ROBO1: variants seen among roughly 807,000 people sequenced by gnomAD.
ROBO1 encodes the protein roundabout guidance receptor 1, also known as roundabout homolog 1.
A neutral mutation model predicts 195.9 loss-of-function variants in ROBO1; 149 were observed. The observed-to-expected ratio is 0.76, with a 90% confidence interval of 0.67 to 0.87. ROBO1 has a LOEUF of 0.87. Among genes scored for constraint, ROBO1 ranks in the 40% least tolerant of loss-of-function variants. The pLI, the probability that ROBO1 is intolerant of heterozygous loss-of-function variation, is 0.00. For missense variants in ROBO1, 1,933 were observed against 2,068.3 expected, an observed-to-expected ratio of 0.93 and a Z score of 1.27; for synonymous variants, 816 against 733.2, an observed-to-expected ratio of 1.11 and a Z score of -1.82.
At chr3:78,996,903 C>A (rs1193640415) in intron 3 of ROBO1, among the ~76,000 whole-genome samples, 1 of 152,120 alleles carries the variant, frequency 6.6e-6, no homozygotes, top group African/African-American at 2.4e-5. Flanking sequence ...TAGATATTAA[C>A]CTACCTCAAT....
intron 2 of ROBO1, among the ~76,000 whole-genome samples, chr3:79,375,246 T>C (rs1204188325): frequency 1.3e-5 from 2 of 151,928 alleles, no homozygotes; most frequent in African/African-American, 2.4e-5. Flanking sequence ...GGCAACTCAA[T>C]AGTTAGATGA....
chr3:79,294,925 G>A (rs549645226), intron 2 of ROBO1, among the ~76,000 whole-genome samples: 9 of 152,196 alleles, frequency 5.9e-5, no homozygotes, highest in African/African-American at 1.4e-4. Context: ...TTAGAATGGC[G>A]ATCATTAAAA....
chr3:79,708,931 T>C (rs536870144), intron 1 of ROBO1, among the ~76,000 whole-genome samples: 4 of 152,004 alleles, frequency 2.6e-5, no homozygotes, highest in African/African-American at 9.7e-5. Flanking sequence ...CTCATGGGGT[T>C]TTTTGTATTT....
chr3:79,636,695 C>T (rs1284753952), intron 1 of ROBO1, among the ~76,000 whole-genome samples: 7 of 152,132 alleles, frequency 4.6e-5, no homozygotes, highest in Non-Finnish European at 8.8e-5. Flanking sequence ...TGAAAGCTCA[C>T]TGGATAATAC....
rs1038954616 is a variant in ROBO1, at chr3:78,923,936, A to G, written c.499+14665T>C. On this transcript the variant is annotated intron_variant, in intron 4 of 30. Transcript: ENST00000464233. ...TTGCATTTATAACAGTACTTGTTATATATGTAGTATTATTGAATTATGACC... is the reference window on the plus strand; with the variant it reads ...TTGCATTTATAACAGTACTTGTTATGTATGTAGTATTATTGAATTATGACC... Among the ~76,000 whole-genome samples the G allele has an allele frequency of 3.3e-5, 5 of 152,106 alleles. No homozygotes were observed. In the East Asian group the frequency reaches 7.7e-4, roughly 23 times the overall value.
At chr3:78,650,421 G>A (rs371082899) in intron 19 of ROBO1, among the ~76,000 whole-genome samples, 205 of 152,222 alleles carry the variant, frequency 1.3e-3, no homozygotes, top group African/African-American at 4.6e-3. Flanking sequence ...ACAGGCAGGC[G>A]GCAAGGAGAT....
intron 1 of ROBO1, among the ~76,000 whole-genome samples, chr3:79,678,522 T>C (rs959794526): frequency 2.0e-5 from 3 of 152,088 alleles, no homozygotes; most frequent in Non-Finnish European, 4.4e-5. Context: ...CTTTAAAGAA[T>C]ACTAGGAGTA....
intron 2 of ROBO1, among the ~76,000 whole-genome samples, chr3:79,229,363 A>G (rs1177168441): frequency 6.6e-6 from 1 of 152,136 alleles, no homozygotes; most frequent in African/African-American, 2.4e-5. Context: ...ATAAAACTGT[A>G]CCAATTGCAG....
At chr3:79,329,685 T>C (rs2109164643) in intron 2 of ROBO1, among the ~76,000 whole-genome samples, 1 of 152,316 alleles carries the variant, frequency 6.6e-6, no homozygotes, top group East Asian at 1.9e-4. Flanking sequence ...TTCAGTTGTT[T>C]TCTTTATCAA....
chr3:78,982,459 G>T (rs577151343), intron 3 of ROBO1, among the ~76,000 whole-genome samples: 1 of 152,024 alleles, frequency 6.6e-6, no homozygotes, highest in African/African-American at 2.4e-5. Context: ...TCATACACAC[G>T]TCTATAAACA....
intron 2 of ROBO1, among the ~76,000 whole-genome samples, chr3:79,563,838 A>G (rs2107719995): frequency 6.6e-6 from 1 of 152,176 alleles, no homozygotes; most frequent in East Asian, 1.9e-4. Flanking sequence ...TATTTCTTCT[A>G]CCATAAACAT....
chr3:79,186,026 T>G (rs570871575), intron 2 of ROBO1, among the ~76,000 whole-genome samples: 1 of 152,188 alleles, frequency 6.6e-6, no homozygotes, highest in African/African-American at 2.4e-5. Context: ...CCCCAAGCCC[T>G]TTATTTTAAT....
At chr3:79,027,315 A>G (rs958680974) in intron 3 of ROBO1, among the ~76,000 whole-genome samples, 1 of 152,098 alleles carries the variant, frequency 6.6e-6, no homozygotes. Flanking sequence ...GAAAAAGACT[A>G]TCCAAGCTTA....
intron 2 of ROBO1, among the ~76,000 whole-genome samples, chr3:79,357,193 T>C (rs1049367828): frequency 6.6e-6 from 1 of 152,190 alleles, no homozygotes; most frequent in Non-Finnish European, 1.5e-5. Context: ...CATGCTCTAC[T>C]ACTCTCTTCT....
intron 2 of ROBO1, among the ~76,000 whole-genome samples, chr3:79,199,536 C>T (rs928587277): frequency 7.9e-5 from 12 of 151,654 alleles, no homozygotes; most frequent in African/African-American, 2.7e-4. Flanking sequence ...GATTTATCTT[C>T]GTATGAGTGG....
intron 1 of ROBO1, among the ~76,000 whole-genome samples, chr3:79,764,254 A>G (rs927008536): frequency 6.6e-6 from 1 of 152,236 alleles, no homozygotes; most frequent in African/African-American, 2.4e-5. Flanking sequence ...TTCCTATAGA[A>G]TTAGGAGAAT....
At chr3:79,116,142 G>A (rs1235038163) in intron 3 of ROBO1, among the ~76,000 whole-genome samples, 1 of 152,200 alleles carries the variant, frequency 6.6e-6, no homozygotes, top group Non-Finnish European at 1.5e-5. Context: ...GTGGGTGATT[G>A]GTTCCAGGAT....
chr3:79,065,391 G>GAA (rs775960477), intron 3 of ROBO1, among the ~76,000 whole-genome samples: 3 of 150,502 alleles, frequency 2.0e-5, no homozygotes, highest in Non-Finnish European at 3.0e-5. Flanking sequence ...AAAAGGCCTA[G>GAA]AAAAAAAAAT....
intron 4 of ROBO1, among the ~76,000 whole-genome samples, chr3:78,902,743 T>C (rs1325964499): frequency 6.6e-6 from 1 of 151,986 alleles, no homozygotes; most frequent in Non-Finnish European, 1.5e-5. Context: ...CTCGGAAGGC[T>C]TGAGGCAGGA....
Sources: allele counts gnomAD v4.1 joint callset (sites outside exome capture counted in the v4.1 genomes callset), GRCh38; gene constraint gnomAD v4.1.1; transcripts MANE v1.5; gene names NCBI Gene and HGNC (gene_info 2026-07-23, HGNC 2026-07-21).